NDUFS7: variants seen among roughly 807,000 people sequenced by gnomAD.
NDUFS7 encodes the protein NADH dehydrogenase [ubiquinone] iron-sulfur protein 7, mitochondrial.
A neutral mutation model predicts 31.1 loss-of-function variants in NDUFS7; 11 were observed. That is an observed-to-expected ratio of 0.35 (90% confidence interval 0.22 to 0.59). NDUFS7 has a LOEUF of 0.59. Among genes scored for constraint, NDUFS7 ranks in the 20% least tolerant of loss-of-function variants. NDUFS7 has a pLI of 0.79. For missense variants in NDUFS7, 263 were observed against 324.2 expected, an observed-to-expected ratio of 0.81 and a Z score of 1.45; for synonymous variants, 136 against 127.9, an observed-to-expected ratio of 1.06 and a Z score of -0.43.
At chr19:1,392,837 G>A (rs1352146834) in intron 6 of NDUFS7, 2 of 298,722 alleles carry the variant, frequency 6.7e-6, no homozygotes, top group Admixed American at 4.5e-5. Flanking sequence ...TCCCTGCCCC[G>A]GGTGGACCCC....
At chr19:1,387,119 A>T (rs1004026530) in intron 1 of NDUFS7, 2 of 154,844 alleles carry the variant, frequency 1.3e-5, no homozygotes, top group African/African-American at 4.8e-5. Flanking sequence ...TTCTGTGTAG[A>T]TTGACGTGGG....
intron 4 of NDUFS7, 117 bp downstream of exon 4, chr19:1,389,055 A>G (rs1173907359): frequency 5.8e-6 from 5 of 863,216 alleles, no homozygotes; most frequent in African/African-American, 1.7e-5. Flanking sequence ...ATGCATGCAC[A>G]CTCACATGCG....
At position 1,393,336 on chromosome 19, in the gene NDUFS7, G is replaced by A. The variant is rs1352620982; in HGVS notation, c.544+6G>A. Reference sequence around the variant, plus strand: ...CGTGGACATCTACATCCCAGGTAGGGCCGGGACCGCACCGCCCACGAGGGA... The same window carrying A: ...CGTGGACATCTACATCCCAGGTAGGACCGGGACCGCACCGCCCACGAGGGA... On this transcript the variant is annotated splice_donor_region_variant and intron_variant, in intron 7 of 7. Transcript: ENST00000233627. The surrounding 1 kb of genome is among the most constrained non-coding windows in gnomAD (Gnocchi z 7.3). The A allele has an allele frequency of 6.4e-7, 1 of 1,565,820 alleles. No homozygotes were observed.
rs1372055462 is a variant in NDUFS7, at chr19:1,389,150, C to G, written c.228+212C>G. ...CACGCACACAATGCACATATGCACA[C>G]TCGCACACATGCACACTTGCACACA... On this transcript the variant is annotated intron_variant, in intron 4 of 7. Coordinates refer to ENST00000233627, the MANE Select transcript of NDUFS7 (RefSeq NM_024407.5). 5 of 702,062 alleles carry G rather than the reference C, an allele frequency of 7.1e-6. No individual in the cohort carries two copies. In the Admixed American group the frequency reaches 1.0e-4, roughly 14 times the overall value. 43.5% of individuals were successfully genotyped at this position (702,062 alleles called of 1,614,324 possible).
intron 7 of NDUFS7, chr19:1,394,728 T>G (rs533125156): frequency 8.4e-7 from 1 of 1,192,532 alleles, no homozygotes; most frequent in African/African-American, 1.6e-5. Context: ...TGGAGCAGCC[T>G]GGACTTGCCA....
chr19:1,388,500 T>G (rs747913688), intron 2 of NDUFS7, 25 bp from the exon 3 acceptor site: 2 of 1,609,242 alleles, frequency 1.2e-6, no homozygotes, highest in Non-Finnish European at 1.7e-6. Flanking sequence ...GGACAGCCAC[T>G]GACCCGCGTT....
intron 6 of NDUFS7, 77 bp downstream of exon 6, chr19:1,391,242 C>T (rs2082555460): frequency 4.6e-6 from 7 of 1,508,904 alleles, no homozygotes; most frequent in Non-Finnish European, 5.4e-6. Context: ...TGGCGCTTAT[C>T]AAAAGTGTCA....
intron 1 of NDUFS7, 128 bp from the exon 2 acceptor site, chr19:1,387,683 G>C (rs1278863260): frequency 2.4e-6 from 2 of 822,814 alleles, no homozygotes; most frequent in Non-Finnish European, 4.1e-6. Flanking sequence ...CCTAACGTTT[G>C]TTAAGTGGCA....
At chr19:1,390,840 G>T (rs7256647) in intron 4 of NDUFS7, 31 bp from the exon 5 acceptor site, 12 of 1,600,606 alleles carry the variant, frequency 7.5e-6, no homozygotes, top group Non-Finnish European at 9.3e-6. Flanking sequence ...GGCTCCGGGG[G>T]TGGCGTCTGA....
At chr19:1,390,724 C>T in intron 4 of NDUFS7, 147 bp from the exon 5 acceptor site, 1 of 832,632 alleles carries the variant, frequency 1.2e-6, no homozygotes, top group South Asian at 1.6e-5. Flanking sequence ...GGCCCGGAGG[C>T]CACCTGCAGG....
chr19:1,389,744 G>T (rs1229428211), intron 4 of NDUFS7: 6 of 345,094 alleles, frequency 1.7e-5, no homozygotes, highest in South Asian at 1.1e-4. Context: ...GGCACTTGCT[G>T]CGACAGCCCG....
intron 4 of NDUFS7, chr19:1,390,518 A>C: frequency 7.2e-6 from 3 of 413,948 alleles, no homozygotes; most frequent in Non-Finnish European, 1.3e-5. Context: ...GTTAACGCAG[A>C]GAGTTCCCGG....
intron 4 of NDUFS7, chr19:1,389,177 ATGCACACACAAGCACATG>A: frequency 1.4e-6 from 1 of 691,120 alleles, no homozygotes; most frequent in Non-Finnish European, 2.6e-6. Context: ...TTGCACACAC[ATGCACACACAAGCACATG>A]TGCACACACG....
At chr19:1,389,151 T>A (rs976049550) in intron 4 of NDUFS7, 1 of 701,522 alleles carries the variant, frequency 1.4e-6, no homozygotes, top group South Asian at 1.5e-5. Context: ...ATATGCACAC[T>A]CGCACACATG....
chr19:1,384,012 G>A (rs2082491439), intron 1 of NDUFS7, 70 bp downstream of exon 1: 2 of 1,500,860 alleles, frequency 1.3e-6, no homozygotes, highest in East Asian at 2.6e-5. Context: ...GGGTGTCGTG[G>A]TGGCGTCGGG....
chr19:1,391,086 G>A (rs375271288), intron 5 of NDUFS7, 33 bp from the exon 6 acceptor site: 87 of 1,611,784 alleles, frequency 5.4e-5, no homozygotes, highest in Non-Finnish European at 7.0e-5. Flanking sequence ...CGCCCCCAGA[G>A]TGAGCTGCGC....
chr19:1,387,043 G>A (rs186086115), intron 1 of NDUFS7: 11 of 152,688 alleles, frequency 7.2e-5, no homozygotes, highest in African/African-American at 2.6e-4. Flanking sequence ...GCTCTCCCAG[G>A]AGACTTCGTG....
chr19:1,384,125 G>A, intron 1 of NDUFS7, 183 bp downstream of exon 1: 3 of 657,638 alleles, frequency 4.6e-6, no homozygotes, highest in Non-Finnish European at 4.8e-6. Context: ...CCGTTATTGC[G>A]TCCAGAGTAC....
intron 1 of NDUFS7, among the ~76,000 whole-genome samples, chr19:1,387,514 G>A (rs2082515340): frequency 6.6e-6 from 1 of 152,210 alleles, no homozygotes; most frequent in Non-Finnish European, 1.5e-5. Flanking sequence ...GTCCCCCACA[G>A]GGCAGCAGCC....
Sources: gnomAD v4.1 joint callset for allele counts (sites outside exome capture counted in the v4.1 genomes callset) on GRCh38, gnomAD v4.1.1 for gene constraint, Gnocchi (gnomAD v3.1) non-coding constraint, MANE v1.5 for transcripts, NCBI Gene and HGNC (gene_info 2026-07-23, HGNC 2026-07-21) for gene names.